The following ARID5B variants were observed in gnomAD, a reference collection of about 807,000 sequenced individuals.
The protein encoded by ARID5B is AT-rich interactive domain-containing protein 5B.
ARID5B carries 13 observed loss-of-function variants against 97.2 expected under a neutral mutation model. The observed-to-expected ratio is 0.13, with a 90% confidence interval of 0.09 to 0.21. The LOEUF is 0.21. Ranked by LOEUF, ARID5B falls within the 10% of genes least tolerant of loss-of-function variation. The pLI is 1.00. For missense variants in ARID5B, 1,210 were observed against 1,465.3 expected (o/e 0.83, Z 2.84); for synonymous variants, 556 against 570.3 (o/e 0.97, Z 0.36).
intron 7 of ARID5B, among the ~76,000 whole-genome samples, chr10:62,062,532 AG>A (rs1839933948): frequency 6.6e-6 from 1 of 152,190 alleles, no homozygotes; most frequent in African/African-American, 2.4e-5. Context: ...CATGGCTCTT[AG>A]CTTCAGAGTG....
rs1442129116 is a variant in ARID5B, at chr10:62,091,188, A to G, written c.1725A>G (p.Gln575=). 4 of 1,614,020 alleles carry G rather than the reference A, an allele frequency of 2.5e-6. No homozygotes were observed. The highest frequency in any genetic ancestry group is 1.3e-5 in the African/African-American group (1 of 74,908). The part of the protein sequence containing the change: ...TSPSALVDSK[Q]ESKLCCFTES... ...CTAGTGCCCTGGTGGACTCAAAACA[A>G]GAATCCAAACTGTGCTGTTTTACAG... Residue 575 remains glutamine (Q), a synonymous_variant, in exon 10 of 10, where the codon CAA becomes CAG. Transcript: ENST00000279873.
intron 6 of ARID5B, among the ~76,000 whole-genome samples, chr10:62,057,860 A>G (rs998669138): frequency 2.0e-5 from 3 of 152,212 alleles, no homozygotes; most frequent in East Asian, 1.9e-4. Context: ...ACATTTAAAT[A>G]TAAGTGTCAT....
chr10:61,990,922 C>A (rs1182121255), intron 3 of ARID5B, among the ~76,000 whole-genome samples: 1 of 152,104 alleles, frequency 6.6e-6, no homozygotes, highest in South Asian at 2.1e-4. Flanking sequence ...TTCCTTCCAA[C>A]CCTCCTAGAC....
intron 2 of ARID5B, among the ~76,000 whole-genome samples, chr10:61,937,126 C>T (rs969578662): frequency 4.6e-5 from 7 of 152,116 alleles, no homozygotes; most frequent in African/African-American, 1.7e-4. Context: ...TGTCTGGTGC[C>T]CACGGGGGCC....
At chr10:61,956,221 T>A (rs1255678693) in intron 3 of ARID5B, among the ~76,000 whole-genome samples, 1 of 152,146 alleles carries the variant, frequency 6.6e-6, no homozygotes, top group Non-Finnish European at 1.5e-5. Context: ...TCCCATCAAA[T>A]CAGTAGTGGC....
intron 2 of ARID5B, among the ~76,000 whole-genome samples, chr10:61,933,649 T>C (rs116749597): frequency 0.018 from 2,806 of 152,344 alleles, 102 homozygotes; most frequent in African/African-American, 0.064. Context: ...TAAGCAGTCA[T>C]ATTTGTAAAG....
intron 3 of ARID5B, among the ~76,000 whole-genome samples, chr10:61,982,819 A>C (rs1407960094): frequency 6.6e-6 from 1 of 152,250 alleles, no homozygotes; most frequent in Non-Finnish European, 1.5e-5. Flanking sequence ...GTACATAAGA[A>C]GATGAGATTT....
At chr10:62,023,073 C>T (rs943583610) in intron 4 of ARID5B, among the ~76,000 whole-genome samples, 1 of 152,204 alleles carries the variant, frequency 6.6e-6, no homozygotes, top group Admixed American at 6.5e-5. Flanking sequence ...GTCTCCAGCC[C>T]CTTTCCCAAT....
intron 8 of ARID5B, among the ~76,000 whole-genome samples, chr10:62,071,553 G>GT (rs528404824): frequency 0.011 from 249 of 22,190 alleles, no homozygotes; most frequent in African/African-American, 0.033. Context: ...GTATCACATG[G>GT]TAAAAAAAAA....
intron 3 of ARID5B, among the ~76,000 whole-genome samples, chr10:61,975,179 CACTGTT>C (rs897997848): frequency 2.0e-5 from 3 of 152,032 alleles, no homozygotes; most frequent in African/African-American, 7.2e-5. Flanking sequence ...GCTTCAGAAC[CACTGTT>C]TGAGATGGAT....
chr10:62,093,879 G>C lies in ARID5B; in HGVS notation c.*849G>C, dbSNP rs1840426194. Reference sequence around the variant, plus strand: ...AAAAGAAACAGTCAAGCACACAATAGTGCAAAGAACGTTCCTTTGTAGATC... The same window carrying C: ...AAAAGAAACAGTCAAGCACACAATACTGCAAAGAACGTTCCTTTGTAGATC... On this transcript the variant is annotated 3_prime_UTR_variant, in exon 10 of 10. Transcript: ENST00000279873. 1 of 233,458 alleles carries C rather than the reference G, an allele frequency of 4.3e-6. No homozygotes were observed. Among genetic ancestry groups the C allele is most frequent in the African/African-American group, 2.2e-5 (1 of 45,294 alleles). 14.5% of individuals were successfully genotyped at this position (233,458 alleles called of 1,614,324 possible).
intron 3 of ARID5B, among the ~76,000 whole-genome samples, chr10:61,958,820 C>G (rs1838430224): frequency 6.6e-6 from 1 of 152,192 alleles, no homozygotes; most frequent in African/African-American, 2.4e-5. Context: ...GTCTGGTTAA[C>G]AGAAGAAATA....
chr10:62,006,480 T>C (rs1170580398), intron 4 of ARID5B, among the ~76,000 whole-genome samples: 1 of 152,158 alleles, frequency 6.6e-6, no homozygotes, highest in Admixed American at 6.5e-5. Flanking sequence ...AATAATGGTC[T>C]AACCAAGTCA....
intron 4 of ARID5B, among the ~76,000 whole-genome samples, chr10:62,022,047 G>T (rs1426076591): frequency 6.6e-6 from 1 of 152,122 alleles, no homozygotes; most frequent in Admixed American, 6.6e-5. Flanking sequence ...GTAGCTTTAA[G>T]CCCTGGCACT....
chr10:62,028,764 C>G (rs1839455026), intron 4 of ARID5B, among the ~76,000 whole-genome samples: 1 of 152,078 alleles, frequency 6.6e-6, no homozygotes, highest in Non-Finnish European at 1.5e-5. Flanking sequence ...AGTTTGAGAC[C>G]AGCCTGGCCA....
intron 4 of ARID5B, among the ~76,000 whole-genome samples, chr10:62,042,577 T>C (rs1021009942): frequency 2.0e-5 from 3 of 152,092 alleles, no homozygotes; most frequent in Non-Finnish European, 4.4e-5. Context: ...GTGAGCTAAG[T>C]CCTAAGATGT....
chr10:61,926,777 T>G (rs1297347234), intron 2 of ARID5B, among the ~76,000 whole-genome samples: 1 of 151,664 alleles, frequency 6.6e-6, no homozygotes, highest in African/African-American at 2.4e-5. Flanking sequence ...CCCAGCTAGT[T>G]TTTGGGTTTT....
At chr10:62,089,780 G>T (rs770662653) in intron 9 of ARID5B, among the ~76,000 whole-genome samples, 1 of 151,940 alleles carries the variant, frequency 6.6e-6, no homozygotes, top group African/African-American at 2.4e-5. Context: ...TGCCTGCCTC[G>T]GCCTCCCTAA....
At chr10:61,991,180 T>C (rs544694148) in intron 3 of ARID5B, among the ~76,000 whole-genome samples, 2 of 152,314 alleles carry the variant, frequency 1.3e-5, no homozygotes, top group Non-Finnish European at 2.9e-5. Context: ...ATAACTGTTT[T>C]TGAGTCCTTG....
Sources: gnomAD v4.1 joint callset for allele counts (sites outside exome capture counted in the v4.1 genomes callset) on GRCh38, gnomAD v4.1.1 for gene constraint, MANE v1.5 for transcripts, NCBI Gene and HGNC (gene_info 2026-07-23, HGNC 2026-07-21) for gene names.